Variants in XKR6 observed in about 807,000 individuals in gnomAD.
The protein encoded by XKR6 is XK-related protein 6.
Under a neutral mutation model 56.7 loss-of-function variants are expected in XKR6, and 22 were observed. The observed-to-expected ratio is 0.39, with a 90% CI of 0.28 to 0.55. XKR6 has a LOEUF of 0.55. Ranked by LOEUF, XKR6 falls within the 20% of genes least tolerant of loss-of-function variation. The pLI, the probability that XKR6 is intolerant of heterozygous loss-of-function variation, is 0.66. For synonymous variants in XKR6, 524 were observed against 387.8 expected (o/e 1.35, Z -4.13); for missense variants, 852 against 889.0 (o/e 0.96, Z 0.53).
intron 1 of XKR6, among the ~76,000 whole-genome samples, chr8:11,117,261 T>C (rs1326300656): frequency 6.6e-6 from 1 of 152,218 alleles, no homozygotes; most frequent in Non-Finnish European, 1.5e-5. Flanking sequence ...AGAAGTTTTC[T>C]TTCTGCTCCC....
At chr8:11,017,561 C>T (rs1798654640) in intron 1 of XKR6, among the ~76,000 whole-genome samples, 1 of 152,238 alleles carries the variant, frequency 6.6e-6, no homozygotes, top group Non-Finnish European at 1.5e-5. Flanking sequence ...CTGCCTGTGG[C>T]TGGGTTCCGG....
intron 2 of XKR6, among the ~76,000 whole-genome samples, chr8:10,904,630 G>A (rs542739425): frequency 5.9e-5 from 9 of 152,158 alleles, no homozygotes; most frequent in Non-Finnish European, 1.3e-4. Context: ...AGGCCAGGAA[G>A]GGAGGCTGTG....
At chr8:11,045,619 G>A (rs115551989) in intron 1 of XKR6, among the ~76,000 whole-genome samples, 2 of 152,204 alleles carry the variant, frequency 1.3e-5, no homozygotes, top group Admixed American at 6.5e-5. Context: ...AACAATGTGT[G>A]TATAGTGCTG....
Position 10,917,443 on chromosome 8 carries a change from C to A in XKR6, c.961+7191G>T, listed in dbSNP as rs1457108122. ...CAACATGTCGAGGTCTGCTTTTGAT[C>A]ATCTCTGAGAGAATTCCTTGCTCTA... On this transcript the variant is annotated intron_variant, in intron 2 of 2. Transcript: ENST00000416569. Among the ~76,000 whole-genome samples, 75 of 152,196 alleles carry A rather than the reference C, an allele frequency of 4.9e-4. 2 individuals are homozygous for A. Among genetic ancestry groups the A allele is most frequent in the Admixed American group, 4.9e-3 (75 of 15,278 alleles).
chr8:10,906,265 T>G (rs1800187631), intron 2 of XKR6, among the ~76,000 whole-genome samples: 1 of 152,184 alleles, frequency 6.6e-6, no homozygotes, highest in Non-Finnish European at 1.5e-5. Context: ...TGCTAAATGT[T>G]GGTTGTTAAA....
intron 1 of XKR6, among the ~76,000 whole-genome samples, chr8:11,060,926 CT>C (rs1327458987): frequency 6.6e-6 from 1 of 152,184 alleles, no homozygotes; most frequent in African/African-American, 2.4e-5. Context: ...TTCTTATCCC[CT>C]ATCCCCATTT....
intron 1 of XKR6, among the ~76,000 whole-genome samples, chr8:11,198,244 T>A (rs1160853169): frequency 6.6e-6 from 1 of 152,176 alleles, no homozygotes; most frequent in African/African-American, 2.4e-5. Context: ...CTAGCAGGTA[T>A]TAAAACAGCA....
chr8:11,155,124 T>C lies in XKR6; in HGVS notation c.764+45452A>G, dbSNP rs114867840. ...GCACCTGCTTCACCAGTCTTGATAC[T>C]GCATACTCCCACAACTGTGCTCATT... On this transcript the variant is annotated intron_variant, in intron 1 of 2. Coordinates refer to ENST00000416569, the MANE Select transcript of XKR6 (RefSeq NM_173683.4). 8.9e-3 allele frequency among the ~76,000 whole-genome samples: 1,352 copies of C among 152,356 alleles called. 19 individuals are homozygous for C. Among genetic ancestry groups the C allele is most frequent in the African/African-American group, 0.03 (1,262 of 41,586 alleles).
intron 1 of XKR6, among the ~76,000 whole-genome samples, chr8:11,140,119 A>G (rs1295234433): frequency 6.6e-6 from 1 of 152,006 alleles, no homozygotes; most frequent in Non-Finnish European, 1.5e-5. Context: ...GAAGAAGAAA[A>G]TTTTTTAATT....
chr8:11,099,725 CA>C (rs1798395719), intron 1 of XKR6, among the ~76,000 whole-genome samples: 1 of 152,172 alleles, frequency 6.6e-6, no homozygotes, highest in Non-Finnish European at 1.5e-5. Context: ...AAAAAACAGC[CA>C]CCAACAAAAC....
In XKR6 at chr8:11,114,773, GTA is replaced by G. The variant is rs1554461878; in HGVS notation, c.764+85801_764+85802del. ...TGTGTGTGTGTGTGTGTGTGTGTGT[GTA>G]TGTGCCAGGGCAAGAAAGGTCAGTG... On this transcript the variant is annotated intron_variant, in intron 1 of 2. Coordinates refer to ENST00000416569, the MANE Select transcript of XKR6 (RefSeq NM_173683.4). Among the ~76,000 whole-genome samples the G allele has an allele frequency of 4.1e-5, 6 of 146,612 alleles. No individual in the cohort carries two copies. In the South Asian group the frequency reaches 1.1e-3, roughly 27 times the overall value.
intron 1 of XKR6, among the ~76,000 whole-genome samples, chr8:10,999,670 C>A (rs559095933): frequency 6.6e-6 from 1 of 152,120 alleles, no homozygotes; most frequent in Admixed American, 6.5e-5. Flanking sequence ...CAGATGTGAC[C>A]AAGCTACCAA....
chr8:10,933,640 T>C (rs1801131947), intron 1 of XKR6, among the ~76,000 whole-genome samples: 1 of 111,120 alleles, frequency 9.0e-6, no homozygotes, highest in Admixed American at 7.8e-5. Flanking sequence ...CCTAGCACCA[T>C]TTATTAAATA....
intron 1 of XKR6, chr8:11,113,930 C>A (rs1352590285): frequency 3.4e-6 from 1 of 294,216 alleles, no homozygotes; most frequent in Non-Finnish European, 6.6e-6. Context: ...TGGGGCAGCA[C>A]AGACACGGAA....
chr8:11,044,888 G>A (rs1281583725), intron 1 of XKR6, among the ~76,000 whole-genome samples: 1 of 151,932 alleles, frequency 6.6e-6, no homozygotes, highest in African/African-American at 2.4e-5. Context: ...AAAGTGCTGG[G>A]ATTACAGGCG....
intron 1 of XKR6, chr8:11,111,500 T>C (rs1798890915): frequency 6.6e-6 from 1 of 152,238 alleles, no homozygotes; most frequent in Non-Finnish European, 1.5e-5. Flanking sequence ...GGAGTGTCAC[T>C]TGATGATTTC....
chr8:11,173,807 T>C (rs1033435828), intron 1 of XKR6, among the ~76,000 whole-genome samples: 1 of 152,164 alleles, frequency 6.6e-6, no homozygotes, highest in African/African-American at 2.4e-5. Context: ...AGAACCAGTG[T>C]GTGACTGCCA....
intron 1 of XKR6, among the ~76,000 whole-genome samples, chr8:11,144,593 C>T (rs905664356): frequency 2.0e-5 from 3 of 152,000 alleles, no homozygotes; most frequent in Admixed American, 6.6e-5. Flanking sequence ...CGCTTTCCTG[C>T]AGCAGTTACC....
chr8:11,119,152 G>C (rs1206479474), intron 1 of XKR6, among the ~76,000 whole-genome samples: 1 of 152,110 alleles, frequency 6.6e-6, no homozygotes, highest in African/African-American at 2.4e-5. Context: ...GTTCTAGTTT[G>C]TTTGCACTGT....
Sources: allele counts gnomAD v4.1 joint callset (sites outside exome capture counted in the v4.1 genomes callset), GRCh38; gene constraint gnomAD v4.1.1; transcripts MANE v1.5; gene names NCBI Gene and HGNC (gene_info 2026-07-23, HGNC 2026-07-21).